WDR7: variants seen among roughly 807,000 people sequenced by gnomAD.
The protein encoded by WDR7 is WD repeat domain 7.
In WDR7, 46 loss-of-function variants were observed where a neutral mutation model predicts 169.4. The observed-to-expected ratio is 0.27, with a 90% CI of 0.21 to 0.35. The LOEUF (loss-of-function observed/expected upper bound fraction) is 0.35, where lower values mean the gene tolerates loss of function less well. Ranked by LOEUF, WDR7 falls within the 10% of genes least tolerant of loss-of-function variation. The probability of loss-of-function intolerance (pLI) is 1.00; values close to 1 mark genes in which losing one functional copy is unlikely to be tolerated. For missense variants in WDR7, 1,534 were observed against 1,859.3 expected (o/e 0.83, Z 3.22); for synonymous variants, 612 against 666.8 (o/e 0.92, Z 1.27).
chr18:56,839,987 A>G (rs1218560029), intron 20 of WDR7, among the ~76,000 whole-genome samples: 1 of 152,134 alleles, frequency 6.6e-6, no homozygotes, highest in African/African-American at 2.4e-5. Context: ...TCTTGTACCC[A>G]GGAGGCGGAT....
At chr18:56,916,074 A>T (rs1250078317) in intron 21 of WDR7, among the ~76,000 whole-genome samples, 1 of 152,150 alleles carries the variant, frequency 6.6e-6, no homozygotes, top group Non-Finnish European at 1.5e-5. Flanking sequence ...GCAGATTCCT[A>T]TGAGGTCTTT....
chr18:56,981,986 A>G (rs1433571116), intron 26 of WDR7, among the ~76,000 whole-genome samples: 2 of 146,152 alleles, frequency 1.4e-5, no homozygotes, highest in African/African-American at 2.5e-5. Flanking sequence ...TGTGAAAGAT[A>G]TGATTTTGGA....
chr18:56,820,114 G>A (rs1480444078), intron 20 of WDR7, among the ~76,000 whole-genome samples: 1 of 151,710 alleles, frequency 6.6e-6, no homozygotes, highest in Admixed American at 6.6e-5. Flanking sequence ...GATTGTGGGT[G>A]AAGTGATACA....
intron 20 of WDR7, among the ~76,000 whole-genome samples, chr18:56,862,207 C>G (rs2045814799): frequency 1.3e-5 from 2 of 151,738 alleles, no homozygotes; most frequent in African/African-American, 2.4e-5. Context: ...AGTCTGCATA[C>G]TTTATTTTTT....
chr18:56,844,934 TGTA>T (rs371644420), intron 20 of WDR7, among the ~76,000 whole-genome samples: 12 of 152,310 alleles, frequency 7.9e-5, no homozygotes, highest in African/African-American at 2.6e-4. Context: ...ATATTATAAT[TGTA>T]GTATTTTATC....
intron 26 of WDR7, among the ~76,000 whole-genome samples, chr18:56,979,070 T>C (rs1416992751): frequency 1.3e-5 from 2 of 152,260 alleles, no homozygotes; most frequent in South Asian, 4.1e-4. Context: ...GAAAAGGCAA[T>C]GTAGCAACAG....
intron 1 of WDR7, among the ~76,000 whole-genome samples, chr18:56,657,373 T>G (rs1248593056): frequency 6.6e-6 from 1 of 152,116 alleles, no homozygotes; most frequent in Non-Finnish European, 1.5e-5. Context: ...GGTCTCAAAC[T>G]CCTGACCTCA....
chr18:56,845,536 C>T (rs1282755933), intron 20 of WDR7, among the ~76,000 whole-genome samples: 2 of 151,996 alleles, frequency 1.3e-5, no homozygotes, highest in Non-Finnish European at 2.9e-5. Flanking sequence ...TCCTAACATT[C>T]CATCACTGTT....
chr18:56,765,362 A>G (rs2044046300), intron 16 of WDR7, among the ~76,000 whole-genome samples: 2 of 151,064 alleles, frequency 1.3e-5, no homozygotes, highest in Non-Finnish European at 3.0e-5. Context: ...TTTTTTTATG[A>G]TTCCATTTGA....
At chr18:57,007,742 A>G (rs2048084676) in intron 26 of WDR7, among the ~76,000 whole-genome samples, 1 of 152,172 alleles carries the variant, frequency 6.6e-6, no homozygotes, top group Admixed American at 6.5e-5. Flanking sequence ...CAGGTCTACA[A>G]TGTGTACAAT....
chr18:57,014,430 G>A (rs968518696), intron 26 of WDR7, among the ~76,000 whole-genome samples: 2 of 151,912 alleles, frequency 1.3e-5, no homozygotes, highest in Non-Finnish European at 2.9e-5. Context: ...GCTGAGGTGG[G>A]TGGATCACCT....
At chr18:56,962,672 G>T (rs117896650) in intron 26 of WDR7, 143 bp downstream of exon 26, 2 of 741,328 alleles carry the variant, frequency 2.7e-6, no homozygotes, top group Admixed American at 2.2e-5. Flanking sequence ...AATGAAGGAC[G>T]CACAGAATAT....
intron 12 of WDR7, among the ~76,000 whole-genome samples, chr18:56,712,146 C>G (rs1298340624): frequency 1.3e-5 from 2 of 152,222 alleles, no homozygotes; most frequent in Non-Finnish European, 2.9e-5. Flanking sequence ...ATTATTTACA[C>G]TGGGAGCTGT....
intron 26 of WDR7, among the ~76,000 whole-genome samples, chr18:56,987,382 C>T (rs1243601212): frequency 6.7e-6 from 1 of 148,316 alleles, no homozygotes; most frequent in Non-Finnish European, 1.5e-5. Flanking sequence ...TATTGATTAT[C>T]TCACAGCCTT....
In WDR7 at chr18:57,028,156, A is replaced by G. The variant is rs2048394954; in HGVS notation, c.*949A>G. The G allele has an allele frequency of 6.6e-6, 1 of 152,208 alleles. No homozygotes were observed. The highest frequency in any genetic ancestry group is 2.1e-4 in the South Asian group (1 of 4,828). 9.4% of individuals were successfully genotyped at this position (152,208 alleles called of 1,614,324 possible). On this transcript the variant is annotated 3_prime_UTR_variant, in exon 28 of 28. Transcript: ENST00000254442. ...AGTTCCCATATGTGTGGCATATGTC[A>G]GTTATGAAATTATTATAATTCAGCC...
chr18:56,800,804 G>A (rs1279774690), intron 19 of WDR7, among the ~76,000 whole-genome samples: 1 of 152,106 alleles, frequency 6.6e-6, no homozygotes, highest in African/African-American at 2.4e-5. Context: ...TCTGGCACAG[G>A]CTCCCTGCTC....
chr18:56,753,070 T>C (rs893518755), intron 14 of WDR7, among the ~76,000 whole-genome samples: 17 of 152,168 alleles, frequency 1.1e-4, no homozygotes, highest in Admixed American at 3.9e-4. Context: ...GATTTTATCC[T>C]TGGGTTCAAC....
chr18:56,896,746 A>C (rs2046337533), intron 21 of WDR7, among the ~76,000 whole-genome samples: 1 of 151,884 alleles, frequency 6.6e-6, no homozygotes, highest in Admixed American at 6.6e-5. Flanking sequence ...GATATAGGAA[A>C]ATATGACCTT....
chr18:56,924,875 C>G (rs1310952974), intron 22 of WDR7, among the ~76,000 whole-genome samples: 1 of 152,208 alleles, frequency 6.6e-6, no homozygotes, highest in East Asian at 1.9e-4. Flanking sequence ...ACTGTTACCA[C>G]TATTTAGTCC....
Sources: gnomAD v4.1 joint callset for allele counts (sites outside exome capture counted in the v4.1 genomes callset) on GRCh38, gnomAD v4.1.1 for gene constraint, MANE v1.5 for transcripts, NCBI Gene and HGNC (gene_info 2026-07-23, HGNC 2026-07-21) for gene names.